Variants in ECEL1 observed in about 807,000 individuals in gnomAD.
The protein encoded by ECEL1 is endothelin-converting enzyme-like 1.
A neutral mutation model predicts 101.8 loss-of-function variants in ECEL1; 87 were observed. That is an observed-to-expected ratio of 0.85 (90% CI 0.72 to 1.02). The LOEUF (loss-of-function observed/expected upper bound fraction) is 1.02, where lower values mean the gene tolerates loss of function less well. Ranked by LOEUF, ECEL1 falls within the 50% of genes least tolerant of loss-of-function variation. The probability of loss-of-function intolerance (pLI) is 0.00; values close to 1 mark genes in which losing one functional copy is unlikely to be tolerated. For synonymous variants in ECEL1, 487 were observed against 468.7 expected (o/e 1.04, Z -0.50); for missense variants, 1,032 against 1,079.2 (o/e 0.96, Z 0.61).
intron 3 of ECEL1, 28 bp from the exon 4 acceptor site, chr2:232,485,119 G>T: frequency 6.2e-7 from 1 of 1,611,418 alleles, no homozygotes. Context: ...GCTCACCCAG[G>T]GACAGGGACA....
rs944613733 is a variant in ECEL1, at chr2:232,482,867, C to T, written c.1669G>A (p.Glu557Lys). The T allele has an allele frequency of 2.5e-6, 4 of 1,613,992 alleles. No homozygotes were observed. In the African/African-American group the frequency reaches 4.0e-5, roughly 16 times the overall value. The change falls in exon 10 of 18, where the codon GAG (glutamate) becomes AAG (lysine). Residue 557 changes from glutamate to lysine, a missense_variant. Glu to Lys is a moderately conservative substitution (Grantham distance 56). Coordinates refer to ENST00000304546, the MANE Select transcript of ECEL1 (RefSeq NM_004826.4). The part of the protein sequence containing the change: ...IQLSVKKIRQ[E>K]VDKSTWLLPP... ...GGCACCCACGTGGACTTGTCCACCT[C>T]CTGCCGAATCTTCTTAACTGAGAGC...
chr2:232,481,242 T>C (rs1690570696), intron 14 of ECEL1, 86 bp from the exon 15 acceptor site: 1 of 1,477,400 alleles, frequency 6.8e-7, no homozygotes, highest in Non-Finnish European at 9.2e-7. Flanking sequence ...CAGCCCCTAA[T>C]TCCTACCACC....
At position 232,486,018 on chromosome 2, in the gene ECEL1, G is replaced by T; in HGVS notation, c.636C>A (p.Asp212Glu). Residue 212 changes from aspartate (D) to glutamate (E), a missense_variant, in exon 2 of 18, where the codon GAC becomes GAA. Physicochemically the swap from Asp to Glu is conservative, Grantham distance 45. Transcript: ENST00000304546. ...LEVIEDCGGW[D>E]LGGAEERPGV... Reference sequence around the variant, plus strand: ...CCGGACGCTCCTCCGCGCCGCCCAGGTCCCAGCCCCCGCAGTCCTCGATGA... The same window carrying T: ...CCGGACGCTCCTCCGCGCCGCCCAGTTCCCAGCCCCCGCAGTCCTCGATGA... The T allele has an allele frequency of 6.2e-7, 1 of 1,608,704 alleles. No individual in the cohort carries two copies. The highest frequency in any genetic ancestry group is 8.5e-7 in the Non-Finnish European group (1 of 1,178,618).
Position 232,484,601 on chromosome 2 carries a change from G to A in ECEL1, c.1060-5C>T, listed in dbSNP as rs780261088. 3 of 1,613,838 alleles carry A rather than the reference G, an allele frequency of 1.9e-6. No individual in the cohort carries two copies. The highest frequency in any genetic ancestry group is 1.7e-6 in the Non-Finnish European group (2 of 1,179,984). Reference sequence around the variant, plus strand: ...TAGCAGCCACTTCCACCGCAACTGTGAGACCAAGGACAGGGACAGTGAGGC... The same window carrying A: ...TAGCAGCCACTTCCACCGCAACTGTAAGACCAAGGACAGGGACAGTGAGGC... On this transcript the variant is annotated splice_polypyrimidine_tract_variant and splice_region_variant and intron_variant, in intron 5 of 17. Transcript: ENST00000304546.
chr2:232,483,306 G>A (rs1026631698), intron 8 of ECEL1, 110 bp downstream of exon 8: 1 of 1,549,476 alleles, frequency 6.5e-7, no homozygotes, highest in Non-Finnish European at 8.8e-7. Flanking sequence ...GGGGAGGCAG[G>A]CCTGGTCAAC....
intron 14 of ECEL1, 75 bp downstream of exon 14, chr2:232,481,431 G>T (rs912896342): frequency 6.5e-6 from 10 of 1,542,344 alleles, no homozygotes; most frequent in African/African-American, 2.7e-5. Flanking sequence ...GTGCACGTGC[G>T]CAAGGGTGTG....
Position 232,480,075 on chromosome 2 carries a change from G to A in ECEL1, c.*78C>T, listed in dbSNP as rs1690534891. ...TGGTGCCCAGAGCGGGGCTGGCACC[G>A]GGTGCATGCCTGCCCCGGTAGCCAG... On this transcript the variant is annotated 3_prime_UTR_variant, in exon 18 of 18. Transcript: ENST00000304546. The A allele has an allele frequency of 1.6e-5, 21 of 1,342,608 alleles. No homozygotes were observed. Among genetic ancestry groups the A allele is most frequent in the African/African-American group, 4.4e-5 (3 of 68,594 alleles). The allele number at this position is 1,342,608 out of a possible 1,614,324, so 83.2% of individuals were successfully genotyped here. A position where few individuals can be genotyped will look rare whatever the true frequency, so the allele number is the denominator to read the frequency against.
chr2:232,485,590 C>T (rs1219485080), intron 2 of ECEL1, among the ~76,000 whole-genome samples: 1 of 152,230 alleles, frequency 6.6e-6, no homozygotes, highest in Non-Finnish European at 1.5e-5. Flanking sequence ...CAACCCAGCC[C>T]GCCGGCGCGC....
intron 1 of ECEL1, among the ~76,000 whole-genome samples, chr2:232,487,190 C>T (rs774087064): frequency 2.0e-5 from 3 of 152,206 alleles, no homozygotes; most frequent in Non-Finnish European, 2.9e-5. Flanking sequence ...CGCGCTGGAC[C>T]CAGACAGACG....
Position 232,485,854 on chromosome 2 carries a change from G to A in ECEL1, c.786+14C>T. Reference sequence around the variant, plus strand: ...TCCGCGGCCGCTGGCAGGGCGCTCAGGGGGCGCACTCACGCGGATGACGTA... The same window carrying A: ...TCCGCGGCCGCTGGCAGGGCGCTCAAGGGGCGCACTCACGCGGATGACGTA... On this transcript the variant is annotated intron_variant, in intron 2 of 17. Coordinates refer to ENST00000304546, the MANE Select transcript of ECEL1 (RefSeq NM_004826.4). The A allele has an allele frequency of 1.9e-6, 3 of 1,544,484 alleles. No homozygotes were observed. Among genetic ancestry groups the A allele is most frequent in the South Asian group, 1.2e-5 (1 of 84,474 alleles).
At position 232,486,166 on chromosome 2, in the gene ECEL1, C is replaced by A; in HGVS notation, c.488G>T (p.Arg163Leu). 2 of 1,578,502 alleles carry A rather than the reference C, an allele frequency of 1.3e-6. No homozygotes were observed. Among genetic ancestry groups the A allele is most frequent in the Non-Finnish European group, 1.7e-6 (2 of 1,167,972 alleles). ...IGEQNEERLR[R>L]LLARPGGGPG... ...CCCACCCCCGGGCCGCGCCAGCAGGCGCCGTAGGCGCTCCTCGTTTTGCTC... is the reference window on the plus strand; with the variant it reads ...CCCACCCCCGGGCCGCGCCAGCAGGAGCCGTAGGCGCTCCTCGTTTTGCTC... Residue 163 changes from arginine to leucine, a missense_variant, in exon 2 of 18, where the codon CGC (arginine) becomes CTC (leucine). Physicochemically the swap from Arg to Leu is moderately radical, Grantham distance 102 (BLOSUM62 -2). Coordinates refer to ENST00000304546, the MANE Select transcript of ECEL1 (RefSeq NM_004826.4).
chr2:232,485,151 T>A, intron 3 of ECEL1, 48 bp downstream of exon 3: 1 of 1,612,454 alleles, frequency 6.2e-7, no homozygotes, highest in South Asian at 1.1e-5. Flanking sequence ...GATCCACCCC[T>A]CCTGGGGCCC....
intron 3 of ECEL1, 48 bp from the exon 4 acceptor site, chr2:232,485,139 T>C (rs749924005): frequency 1.2e-6 from 2 of 1,612,174 alleles, no homozygotes; most frequent in Admixed American, 3.3e-5. Context: ...AGGCCTAGCC[T>C]GGATCCACCC....
At chr2:232,482,269 G>T in intron 12 of ECEL1, 149 bp downstream of exon 12, 1 of 990,590 alleles carries the variant, frequency 1.0e-6, no homozygotes, top group Non-Finnish European at 1.6e-6. Flanking sequence ...AGGATGTAGT[G>T]GGGAGCCAGG....
chr2:232,484,036 C>T lies in ECEL1; in HGVS notation c.1372G>A (p.Val458Ile). The T allele has an allele frequency of 1.2e-6, 2 of 1,611,662 alleles. No individual in the cohort carries two copies. Among genetic ancestry groups the T allele is most frequent in the East Asian group, 2.2e-5 (1 of 44,760 alleles). The change falls in exon 7 of 18, where the codon GTA becomes ATA. Residue 458 changes from valine to isoleucine, a missense_variant. Coordinates refer to ENST00000304546, the MANE Select transcript of ECEL1 (RefSeq NM_004826.4). ...CTGGCAGCTGAGAAGTGCTCATGTA[C>T]AAAGAGGGCGCCAAGCGCCATGCCA... ...HFGMALGALFVHEHFSAASKA... is the reference protein window; with the variant it reads ...HFGMALGALFIHEHFSAASKA...
intron 7 of ECEL1, 101 bp downstream of exon 7, chr2:232,483,900 T>C (rs917760745): frequency 8.5e-6 from 11 of 1,300,520 alleles, no homozygotes; most frequent in Middle Eastern, 1.9e-4. Flanking sequence ...TCCCCCTGCC[T>C]GCAGGGGACA....
chr2:232,485,281 CAG>C lies in ECEL1; in HGVS notation c.787-16_787-15del. The C allele has an allele frequency of 6.2e-7, 1 of 1,612,732 alleles. No individual in the cohort carries two copies. The highest frequency in any genetic ancestry group is 8.5e-7 in the Non-Finnish European group (1 of 1,179,806). On this transcript the variant is annotated splice_polypyrimidine_tract_variant and intron_variant, in intron 2 of 17. Coordinates refer to ENST00000304546, the MANE Select transcript of ECEL1 (RefSeq NM_004826.4). The stretch of plus-strand genomic sequence containing the variant: ...ATCCTGGTCAATCTGGGGAGGGAGA[CAG>C]GGGCCACAGGTCAGAGGCCCACACC...
At position 232,480,053 on chromosome 2, in the gene ECEL1, T is replaced by A. The variant is rs1575074338; in HGVS notation, c.*100A>T. 1 of 1,185,460 alleles carries A rather than the reference T, an allele frequency of 8.4e-7. No homozygotes were observed. Among genetic ancestry groups the A allele is most frequent in the East Asian group, 2.4e-5 (1 of 42,052 alleles). The allele number at this position is 1,185,460 out of a possible 1,614,324, so 73.4% of individuals were successfully genotyped here. On this transcript the variant is annotated 3_prime_UTR_variant, in exon 18 of 18. Transcript: ENST00000304546. ...CCTGGAGGGGCTGGAAGGCAGGTGG[T>A]GCCCAGAGCGGGGCTGGCACCGGGT...
At position 232,487,758 on chromosome 2, in the gene ECEL1, T is replaced by TCGGGC. The variant is rs1471797753; in HGVS notation, c.-146_-142dup. The TCGGGC allele has an allele frequency of 6.7e-6, 1 of 149,728 alleles. No individual in the cohort carries two copies. Among genetic ancestry groups the TCGGGC allele is most frequent in the Non-Finnish European group, 1.5e-5 (1 of 67,152 alleles). 9.3% of individuals were successfully genotyped at this position (149,728 alleles called of 1,614,324 possible). A position where few individuals can be genotyped will look rare whatever the true frequency, so the allele number is the denominator to read the frequency against. On this transcript the variant is annotated 5_prime_UTR_variant, in exon 1 of 18. Transcript: ENST00000304546. ...CCCGAGCCGGCGGTGACCGAGCGGG[T>TCGGGC]CGGGCCCGAGCGGGGGCCTGAGCCG...
Sources: gnomAD v4.1 joint callset for allele counts (sites outside exome capture counted in the v4.1 genomes callset) on GRCh38, gnomAD v4.1.1 for gene constraint, MANE v1.5 for transcripts, NCBI Gene and HGNC (gene_info 2026-07-23, HGNC 2026-07-21) for gene names.